Variants in STKLD1 observed in about 807,000 individuals in gnomAD.
The protein encoded by STKLD1 is serine/threonine kinase-like domain-containing protein STKLD1.
Under a neutral mutation model 80.4 loss-of-function variants are expected in STKLD1, and 79 were observed. The observed-to-expected ratio is 0.98, with a 90% confidence interval of 0.82 to 1.19. STKLD1 has a LOEUF of 1.19. Among genes scored for constraint, STKLD1 ranks in the 50% most tolerant of loss-of-function variants. The pLI is 0.00. For missense variants in STKLD1, 841 were observed against 856.0 expected (o/e 0.98, Z 0.22); for synonymous variants, 393 against 357.6 (o/e 1.10, Z -1.12).
chr9:133,387,802 G>A, intron 5 of STKLD1: 1 of 607,692 alleles, frequency 1.6e-6, no homozygotes, highest in South Asian at 1.5e-5. Context: ...CCCAGTCGGT[G>A]ACCATGATTC....
chr9:133,404,352 A>C (rs984478284), intron 16 of STKLD1, among the ~76,000 whole-genome samples: 1 of 152,140 alleles, frequency 6.6e-6, no homozygotes, highest in East Asian at 1.9e-4. Flanking sequence ...ACAGCTCTGC[A>C]AACAGTGTCT....
intron 8 of STKLD1, among the ~76,000 whole-genome samples, chr9:133,395,291 T>C (rs148651801): frequency 2.0e-5 from 3 of 152,108 alleles, no homozygotes; most frequent in Admixed American, 1.3e-4. Context: ...GCCCAGGCAG[T>C]GTGACCCTGG....
chr9:133,402,225 A>G (rs1281267638), intron 13 of STKLD1, among the ~76,000 whole-genome samples: 1 of 152,110 alleles, frequency 6.6e-6, no homozygotes, highest in Non-Finnish European at 1.5e-5. Context: ...CATAGGGCCC[A>G]GTGGGCTTCC....
intron 5 of STKLD1, among the ~76,000 whole-genome samples, chr9:133,388,069 C>T (rs2130281642): frequency 6.6e-5 from 10 of 152,222 alleles, no homozygotes; most frequent in African/African-American, 2.4e-4. Context: ...CTGGAAGACA[C>T]TCACTTTTCT....
rs2130285543 is a variant in STKLD1 at position 133,390,009 on chromosome 9, A to G, written c.467+413A>G. ...CTGAAGGGGCTGGGAGATGGCTCCA[A>G]TTCTGAACACCAATATCTTATTTAA... On this transcript the variant is annotated intron_variant, in intron 6 of 17. Transcript: ENST00000371957. The surrounding 1 kb of genome is among the most constrained non-coding windows in gnomAD (Gnocchi z 5.1). Among the ~76,000 whole-genome samples the G allele has an allele frequency of 1.3e-5, 2 of 152,174 alleles. No homozygotes were observed. The highest frequency in any genetic ancestry group is 2.9e-5 in the Non-Finnish European group (2 of 68,034).
At chr9:133,387,405 G>T (rs1170264977) in intron 4 of STKLD1, 42 bp from the exon 5 acceptor site, 7 of 1,552,618 alleles carry the variant, frequency 4.5e-6, no homozygotes, top group Non-Finnish European at 6.2e-6. Flanking sequence ...AGAAGCACCG[G>T]GGCCTGGGCG....
chr9:133,388,304 A>C (rs587602414), intron 5 of STKLD1, among the ~76,000 whole-genome samples: 1 of 152,148 alleles, frequency 6.6e-6, no homozygotes, highest in Admixed American at 6.5e-5. Context: ...GCTGGAGTGC[A>C]GTGGCACGAC....
At chr9:133,383,286 G>GTTA (rs1838186147) in intron 2 of STKLD1, among the ~76,000 whole-genome samples, 1 of 16,422 alleles carries the variant, frequency 6.1e-5, no homozygotes, top group Non-Finnish European at 1.3e-4. Flanking sequence ...TGGTGGTGGT[G>GTTA]TGATGATGTG....
chr9:133,376,615 C>T (rs1246511311), intron 1 of STKLD1, 55 bp downstream of exon 1: 1 of 1,452,014 alleles, frequency 6.9e-7, no homozygotes, highest in African/African-American at 1.5e-5. Context: ...CGGTCGCAAC[C>T]CTGGAGCTAC....
Position 133,397,975 on chromosome 9 carries a change from T to A in STKLD1, c.1001T>A (p.Val334Asp). 1.2e-6 allele frequency: 2 copies of A among 1,612,888 alleles called. No individual in the cohort carries two copies. Among genetic ancestry groups the A allele is most frequent in the East Asian group, 2.2e-5 (1 of 44,854 alleles). The change falls in exon 11 of 18, where the codon GTC becomes GAC. Residue 334 changes from valine to aspartate, a missense_variant. By Grantham distance (152) the Val-to-Asp change is radical. Transcript: ENST00000371957. Reference protein sequence around the residue: ...LEGNVASILEVMQKFSGWPEV... With the variant: ...LEGNVASILEDMQKFSGWPEV... ...CCCTGCCTTCCTGTCCCTGCAGAGG[T>A]CATGCAGAAATTCTCTGGCTGGCCC...
intron 11 of STKLD1, among the ~76,000 whole-genome samples, chr9:133,399,993 C>T (rs1405034171): frequency 6.6e-6 from 1 of 152,214 alleles, no homozygotes; most frequent in Non-Finnish European, 1.5e-5. Context: ...CTGGCCACTG[C>T]CCCTCACCCA....
At position 133,390,579 on chromosome 9, in the gene STKLD1, G is replaced by A; in HGVS notation, c.468-102G>A. On this transcript the variant is annotated intron_variant, in intron 6 of 17. Coordinates refer to ENST00000371957, the MANE Select transcript of STKLD1 (RefSeq NM_153710.5). This position sits in a 1 kb window ranked among gnomAD's most constrained non-coding sequence, Gnocchi z 5.1. ...AGAACCAGGTGGGGCAGGGAGCAGA[G>A]AGTCAGGCTCAGCACACACACTGGT... 1.3e-6 allele frequency: 1 copy of A among 793,224 alleles called. No homozygotes were observed. Among genetic ancestry groups the A allele is most frequent in the South Asian group, 1.6e-5 (1 of 63,346 alleles). 49.1% of individuals were successfully genotyped at this position (793,224 alleles called of 1,614,324 possible).
chr9:133,399,813 A>T (rs587755346), intron 11 of STKLD1, among the ~76,000 whole-genome samples: 2 of 147,608 alleles, frequency 1.4e-5, no homozygotes, highest in East Asian at 4.3e-4. Flanking sequence ...CAGGAGGCGG[A>T]GGTTGCAGTG....
intron 2 of STKLD1, among the ~76,000 whole-genome samples, chr9:133,382,810 TG>T (rs1838170894): frequency 6.8e-6 from 1 of 147,182 alleles, no homozygotes; most frequent in African/African-American, 2.5e-5. Flanking sequence ...ATAGTGACGA[TG>T]GTGACAGTGG....
At chr9:133,380,602 G>A (rs2130264011) in intron 2 of STKLD1, among the ~76,000 whole-genome samples, 5 of 152,190 alleles carry the variant, frequency 3.3e-5, no homozygotes, top group South Asian at 4.2e-4. Context: ...GCAGTGAGTC[G>A]AGATTGCGCC....
In STKLD1 at chr9:133,395,538, A is replaced by G. The variant is rs1056887833; in HGVS notation, c.703-62A>G. 1.1e-5 allele frequency: 17 copies of G among 1,555,492 alleles called. 2 individuals carry two copies. The highest frequency in any genetic ancestry group is 3.5e-5 in the South Asian group (3 of 84,780). Reference sequence around the variant, plus strand: ...CTTGGTCCCTGGTCGTCCCCTGCCCATGCTGGGACCTAGTTTTCATTTACT... The same window carrying G: ...CTTGGTCCCTGGTCGTCCCCTGCCCGTGCTGGGACCTAGTTTTCATTTACT... On this transcript the variant is annotated intron_variant, in intron 8 of 17. Coordinates refer to ENST00000371957, the MANE Select transcript of STKLD1 (RefSeq NM_153710.5).
At chr9:133,387,318 C>T (rs2130279170) in intron 4 of STKLD1, 129 bp from the exon 5 acceptor site, 1 of 654,912 alleles carries the variant, frequency 1.5e-6, no homozygotes, top group East Asian at 2.7e-5. Context: ...CTTGTAGCCC[C>T]CTCCAGTGGG....
intron 2 of STKLD1, among the ~76,000 whole-genome samples, chr9:133,381,869 C>T (rs2130267147): frequency 8.5e-5 from 13 of 152,324 alleles, no homozygotes; most frequent in African/African-American, 2.6e-4. Context: ...CTGGATTCCA[C>T]GGGACAGTGC....
chr9:133,390,848 A>G lies in STKLD1; in HGVS notation c.583+52A>G. 2 of 1,478,356 alleles carry G rather than the reference A, an allele frequency of 1.4e-6. No individual in the cohort carries two copies. Among genetic ancestry groups the G allele is most frequent in the Non-Finnish European group, 1.9e-6 (2 of 1,057,950 alleles). The allele number at this position is 1,478,356 out of a possible 1,614,324, so 91.6% of individuals were successfully genotyped here. ...GAGAGGGGGTTGGCGCCTAGAATCC[A>G]GGCGGCGTTGGCCACTCTGGGTGCT... On this transcript the variant is annotated intron_variant, in intron 7 of 17. Coordinates refer to ENST00000371957, the MANE Select transcript of STKLD1 (RefSeq NM_153710.5). The surrounding 1 kb of genome is among the most constrained non-coding windows in gnomAD (Gnocchi z 5.1).
Sources: gnomAD v4.1 joint callset for allele counts (sites outside exome capture counted in the v4.1 genomes callset) on GRCh38, gnomAD v4.1.1 for gene constraint, Gnocchi (gnomAD v3.1) non-coding constraint, MANE v1.5 for transcripts, NCBI Gene and HGNC (gene_info 2026-07-23, HGNC 2026-07-21) for gene names.